WDR37: variants seen among roughly 807,000 people sequenced by gnomAD.
WDR37 encodes WD repeat domain 37.
A neutral mutation model predicts 62.9 loss-of-function variants in WDR37; 19 were observed. The ratio of observed to expected loss-of-function variants is 0.30; its 90% confidence interval spans 0.21 to 0.44. The LOEUF (loss-of-function observed/expected upper bound fraction) is 0.44. Among genes scored for constraint, WDR37 ranks in the 20% least tolerant of loss-of-function variants. The pLI is 1.00. For synonymous variants in WDR37, 250 were observed against 260.9 expected, an observed-to-expected ratio of 0.96 and a Z score of 0.40; for missense variants, 474 against 657.6, an observed-to-expected ratio of 0.72 and a Z score of 3.05.
At chr10:1,123,473 C>T (rs547251859) in intron 11 of WDR37, among the ~76,000 whole-genome samples, 3 of 152,220 alleles carry the variant, frequency 2.0e-5, no homozygotes, top group Non-Finnish European at 4.4e-5. Flanking sequence ...CTGAATTTGC[C>T]TAGTCCAGGG....
intron 11 of WDR37, among the ~76,000 whole-genome samples, chr10:1,107,929 C>T (rs972097532): frequency 6.6e-6 from 1 of 152,208 alleles, no homozygotes; most frequent in Non-Finnish European, 1.5e-5. Context: ...GTGTACACAC[C>T]TGTCTGTAAC....
chr10:1,074,403 T>G, intron 2 of WDR37: 1 of 1,302,480 alleles, frequency 7.7e-7, no homozygotes, highest in Admixed American at 2.3e-5. Flanking sequence ...CCGCACGGCC[T>G]CGTCCTCTGC....
At chr10:1,068,611 A>G (rs1367062243) in intron 1 of WDR37, among the ~76,000 whole-genome samples, 1 of 152,148 alleles carries the variant, frequency 6.6e-6, no homozygotes, top group African/African-American at 2.4e-5. Flanking sequence ...GAGGATGTGG[A>G]TAACTGAATC....
Position 1,096,188 on chromosome 10 carries a change from C to T in WDR37, c.668C>T (p.Ala223Val). ...LALTASGDQT[A>V]HIWRYAVQLP... ...TCTTCAGCTTCTGGAGATCAGACTGCTCATATCTGGAGATACGCGGTGCAG... is the reference window on the plus strand; with the variant it reads ...TCTTCAGCTTCTGGAGATCAGACTGTTCATATCTGGAGATACGCGGTGCAG... Residue 223 changes from alanine to valine, a missense_variant, in exon 9 of 14, where the codon GCT (alanine) becomes GTT (valine). By Grantham distance (64) the Ala-to-Val change is moderately conservative. Transcript: ENST00000263150. 2 of 1,614,146 alleles carry T rather than the reference C, an allele frequency of 1.2e-6. No homozygotes were observed. Among genetic ancestry groups the T allele is most frequent in the Non-Finnish European group, 8.5e-7 (1 of 1,180,026 alleles).
At position 1,099,878 on chromosome 10, in the gene WDR37, C is replaced by T. The variant is rs1405247943; in HGVS notation, c.726+3632C>T. ...TGATGCTCAGGAAATTCAAAATGTGCGCTGATGGCGGGCGTGGTGGAGTGG... is the reference window on the plus strand; with the variant it reads ...TGATGCTCAGGAAATTCAAAATGTGTGCTGATGGCGGGCGTGGTGGAGTGG... On this transcript the variant is annotated intron_variant, in intron 9 of 13. Coordinates refer to ENST00000263150, the MANE Select transcript of WDR37 (RefSeq NM_014023.4). Among the ~76,000 whole-genome samples, 4 of 139,070 alleles carry T rather than the reference C, an allele frequency of 2.9e-5. No individual in the cohort carries two copies. In the East Asian group the frequency reaches 6.4e-4, roughly 22 times the overall value. The allele number at this position is 139,070 out of a possible 152,430, so 91.2% of individuals were successfully genotyped here.
chr10:1,089,667 C>T (rs1264144485), intron 7 of WDR37, among the ~76,000 whole-genome samples: 11 of 30,214 alleles, frequency 3.6e-4, no homozygotes, highest in Non-Finnish European at 3.6e-4. Flanking sequence ...ACCCGCAGTT[C>T]GGCCTTCCCG....
intron 7 of WDR37, among the ~76,000 whole-genome samples, chr10:1,086,861 T>C (rs1486463100): frequency 6.6e-6 from 1 of 152,240 alleles, no homozygotes; most frequent in Non-Finnish European, 1.5e-5. Flanking sequence ...CACTTAGAGC[T>C]GTGTGTGTAC....
At chr10:1,124,882 A>G (rs1361692375) in intron 12 of WDR37, 28 bp from the exon 13 acceptor site, 3 of 1,612,494 alleles carry the variant, frequency 1.9e-6, no homozygotes, top group East Asian at 4.5e-5. Flanking sequence ...TGTTTCATGC[A>G]CAACCCACTT....
At chr10:1,127,225 G>T (rs1835817656) in intron 13 of WDR37, among the ~76,000 whole-genome samples, 1 of 152,170 alleles carries the variant, frequency 6.6e-6, no homozygotes, top group African/African-American at 2.4e-5. Flanking sequence ...ATTCTGAATG[G>T]TTCTTCTTGG....
At chr10:1,082,531 A>T (rs1834060847) in intron 5 of WDR37, among the ~76,000 whole-genome samples, 1 of 152,214 alleles carries the variant, frequency 6.6e-6, no homozygotes. Context: ...CGCAGTTCAA[A>T]CGATCTGGGA....
At chr10:1,107,261 GC>G (rs1835054311) in intron 11 of WDR37, among the ~76,000 whole-genome samples, 1 of 152,128 alleles carries the variant, frequency 6.6e-6, no homozygotes, top group South Asian at 2.1e-4. Flanking sequence ...CCACAGCAAA[GC>G]CCTGGCTGGA....
chr10:1,124,657 AGTGTGT>A (rs10522293), intron 12 of WDR37, among the ~76,000 whole-genome samples: 4,081 of 149,238 alleles, frequency 0.027, 68 homozygotes, highest in East Asian at 0.057. Context: ...ACCATTGAGC[AGTGTGT>A]GTGTGTGTGT....
intron 13 of WDR37, among the ~76,000 whole-genome samples, chr10:1,126,370 C>G (rs376336276): frequency 1.5e-4 from 22 of 149,334 alleles, no homozygotes; most frequent in Admixed American, 6.0e-4. Context: ...CGCGCCACTG[C>G]ACTCCAGCCT....
In WDR37 at chr10:1,083,482, G is replaced by A. The variant is rs978879409; in HGVS notation, c.397-921G>A. 3.3e-5 allele frequency among the ~76,000 whole-genome samples: 5 copies of A among 152,304 alleles called. No individual in the cohort carries two copies. In the South Asian group the frequency reaches 6.2e-4, roughly 19 times the overall value. ...CAAATCAGTGTTTGAAACAAGTTGT[G>A]TAATGCCACTGATTTTAGTTCTTCA... is the stretch of plus-strand genomic sequence containing the variant. On this transcript the variant is annotated intron_variant, in intron 5 of 13. Coordinates refer to ENST00000263150, the MANE Select transcript of WDR37 (RefSeq NM_014023.4).
chr10:1,094,010 G>A (rs1267727010), intron 8 of WDR37, among the ~76,000 whole-genome samples: 1 of 152,144 alleles, frequency 6.6e-6, no homozygotes, highest in Non-Finnish European at 1.5e-5. Flanking sequence ...TTTTTCGAGG[G>A]TAGCCTTACA....
rs1307272512 is a variant in WDR37 at position 1,105,625 on chromosome 10, C to T, written c.1103+358C>T. ...AGCCGCGGGAGCTGTTACTCCTACC[C>T]ACGGGGTGTCTCCTGGATCTTTTCC... On this transcript the variant is annotated intron_variant, in intron 11 of 13. Transcript: ENST00000263150. This position sits in a 1 kb window ranked among gnomAD's most constrained non-coding sequence, Gnocchi z 5.3. Among the ~76,000 whole-genome samples the T allele has an allele frequency of 6.6e-6, 1 of 152,182 alleles. No homozygotes were observed. The highest frequency in any genetic ancestry group is 1.5e-5 in the Non-Finnish European group (1 of 68,036).
chr10:1,126,138 G>A lies in WDR37; in HGVS notation c.1353+1114G>A, dbSNP rs779092890. On this transcript the variant is annotated intron_variant, in intron 13 of 13. Transcript: ENST00000263150. ...CCGGGGTCAGTGGCTGGTCGCAGTG[G>A]CTGACGCCTGTAATCGTAGCACTTT... Among the ~76,000 whole-genome samples, 90 of 152,230 alleles carry A rather than the reference G, an allele frequency of 5.9e-4. 1 individual carries two copies. The highest frequency in any genetic ancestry group is 1.0e-3 in the Non-Finnish European group (70 of 68,044).
rs139912371 is a variant in WDR37, at chr10:1,105,144, C to T, written c.980C>T (p.Thr327Met). ...GTTACAGGGCACGACCAGGAGTTGA[C>T]GCACTGCTGCACACACCCCACCCAG... Reference protein sequence around the residue: ...HSLTGHDQELTHCCTHPTQRL... With the variant: ...HSLTGHDQELMHCCTHPTQRL... Residue 327 changes from threonine to methionine, a missense_variant, in exon 11 of 14, where the codon ACG (threonine) becomes ATG (methionine). Thr to Met is a moderately conservative substitution (Grantham distance 81). Coordinates refer to ENST00000263150, the MANE Select transcript of WDR37 (RefSeq NM_014023.4). The surrounding 1 kb of genome is among the most constrained non-coding windows in gnomAD (Gnocchi z 5.3). 20 of 1,614,008 alleles carry T rather than the reference C, an allele frequency of 1.2e-5. No individual in the cohort carries two copies. The highest frequency in any genetic ancestry group is 8.9e-5 in the East Asian group (4 of 44,878).
intron 3 of WDR37, among the ~76,000 whole-genome samples, 164 bp downstream of exon 3, chr10:1,078,167 G>T (rs1833933947): frequency 1.3e-5 from 2 of 151,184 alleles, no homozygotes. Flanking sequence ...CAGTTCTGTG[G>T]GTCTGGTATA....
Sources: allele counts gnomAD v4.1 joint callset (sites outside exome capture counted in the v4.1 genomes callset), GRCh38; gene constraint gnomAD v4.1.1; non-coding constraint Gnocchi (gnomAD v3.1); transcripts MANE v1.5; gene names NCBI Gene and HGNC (gene_info 2026-07-23, HGNC 2026-07-21).